Variants in THRB observed in about 807,000 individuals in gnomAD.
The protein encoded by THRB is nuclear receptor subfamily 1 group A member 2.
Under a neutral mutation model 47.8 loss-of-function variants are expected in THRB, and 12 were observed. That is an observed-to-expected ratio of 0.25 (90% CI 0.16 to 0.41). The LOEUF (loss-of-function observed/expected upper bound fraction) is 0.41. Ranked by LOEUF, THRB falls within the 10% of genes least tolerant of loss-of-function variation. The probability of loss-of-function intolerance (pLI) is 1.00; values close to 1 mark genes in which losing one functional copy is unlikely to be tolerated. For missense variants in THRB, 348 were observed against 589.2 expected (o/e 0.59, Z 4.24); for synonymous variants, 218 against 212.2 (o/e 1.03, Z -0.24).
chr3:24,387,585 G>A (rs538829985), intron 1 of THRB, among the ~76,000 whole-genome samples: 2 of 152,236 alleles, frequency 1.3e-5, no homozygotes, highest in African/African-American at 4.8e-5. Context: ...CTTCTTGCAC[G>A]CAGGAAACCT....
chr3:24,408,072 A>G (rs1024849107), intron 1 of THRB, among the ~76,000 whole-genome samples: 1 of 151,918 alleles, frequency 6.6e-6, no homozygotes, highest in African/African-American at 2.4e-5. Context: ...AATACAATAA[A>G]CATTCTGTCA....
intron 3 of THRB, among the ~76,000 whole-genome samples, chr3:24,261,111 G>T (rs2051925591): frequency 9.3e-6 from 1 of 107,570 alleles, no homozygotes; most frequent in Non-Finnish European, 1.8e-5. Flanking sequence ...GAGACATGTT[G>T]CAGAAATTCT....
At chr3:24,259,620 C>CTTTTTTTT (rs10671187) in intron 3 of THRB, among the ~76,000 whole-genome samples, 162 of 98,250 alleles carry the variant, frequency 1.6e-3, no homozygotes, top group African/African-American at 5.8e-3. Flanking sequence ...CTCTGCTTAC[C>CTTTTTTTT]TTTTTTTTTT....
chr3:24,224,128 G>A (rs78343964), intron 4 of THRB, among the ~76,000 whole-genome samples: 5,132 of 152,178 alleles, frequency 0.034, 289 homozygotes, highest in African/African-American at 0.12. Flanking sequence ...TTTTAAAGCT[G>A]TTCAGTCCCT....
In THRB at chr3:24,309,876, A is replaced by T. The variant is rs540619775; in HGVS notation, c.-188-12505T>A. ...ATGTATACCACTGATTAAATAAATTAAAAAACTCCATTCCCCTATTCAGTG... is the reference window on the plus strand; with the variant it reads ...ATGTATACCACTGATTAAATAAATTTAAAAACTCCATTCCCCTATTCAGTG... On this transcript the variant is annotated intron_variant, in intron 2 of 10. Transcript: ENST00000646209. Among the ~76,000 whole-genome samples, 5 of 152,332 alleles carry T rather than the reference A, an allele frequency of 3.3e-5. No homozygotes were observed. In the South Asian group the frequency reaches 6.2e-4, roughly 19 times the overall value.
At chr3:24,190,404 TG>T in intron 4 of THRB, 70 bp from the exon 5 acceptor site, 1 of 1,590,860 alleles carries the variant, frequency 6.3e-7, no homozygotes, top group South Asian at 1.1e-5. Flanking sequence ...TGCAGAGTTT[TG>T]GAAGGCAAGT....
intron 4 of THRB, among the ~76,000 whole-genome samples, chr3:24,190,941 G>C (rs1505302): frequency 0.46 from 69,950 of 151,432 alleles, 18,332 homozygotes; most frequent in African/African-American, 0.73. Flanking sequence ...GGCTTCAGTA[G>C]AGTCCCAAGT....
chr3:24,232,904 C>T (rs984091628), intron 3 of THRB, among the ~76,000 whole-genome samples: 2 of 152,182 alleles, frequency 1.3e-5, no homozygotes, highest in African/African-American at 4.8e-5. Context: ...ATTGGAGGCT[C>T]TCTGCCCTCA....
chr3:24,255,652 G>T (rs1344394562), intron 3 of THRB, among the ~76,000 whole-genome samples: 1 of 152,164 alleles, frequency 6.6e-6, no homozygotes, highest in Non-Finnish European at 1.5e-5. Context: ...CCCATGTGTG[G>T]GTTTCATGGA....
At chr3:24,422,626 A>C (rs2069375176) in intron 1 of THRB, among the ~76,000 whole-genome samples, 1 of 151,846 alleles carries the variant, frequency 6.6e-6, no homozygotes, top group African/African-American at 2.4e-5. Context: ...GCGAATGTGC[A>C]TTCACTTTTT....
chr3:24,348,335 C>T (rs1370695798), intron 1 of THRB, among the ~76,000 whole-genome samples: 3 of 152,060 alleles, frequency 2.0e-5, no homozygotes, highest in Non-Finnish European at 2.9e-5. Context: ...AGATTGTGAA[C>T]ACGCCCTGCC....
rs1385080780 is a variant in THRB at position 24,133,437 on chromosome 3, A to G, written c.764T>C (p.Ile255Thr). 6.2e-7 allele frequency: 1 copy of G among 1,614,138 alleles called. No individual in the cohort carries two copies. Among genetic ancestry groups the G allele is most frequent in the Non-Finnish European group, 8.5e-7 (1 of 1,180,004 alleles). ...FLPEDIGQAP[I>T]VNAPEGGKVD... The stretch of plus-strand genomic sequence containing the variant: ...CTTTCCACCTTCTGGGGCATTGACT[A>G]TTGGTGCTTGTCCAATGTCTTCTGG... The change falls in exon 9 of 11, where the codon ATA becomes ACA. Residue 255 changes from isoleucine to threonine, a missense_variant. This residue lies in a region of THRB where 112 missense variants were observed against 212.3 expected (regional missense o/e 0.53). Transcript: ENST00000646209.
chr3:24,285,990 G>A (rs867525782), intron 3 of THRB, among the ~76,000 whole-genome samples: 3 of 152,206 alleles, frequency 2.0e-5, no homozygotes, highest in Non-Finnish European at 2.9e-5. Flanking sequence ...GGACCTTCAT[G>A]ATGGGATTAG....
At chr3:24,184,495 A>G (rs2042313478) in intron 5 of THRB, among the ~76,000 whole-genome samples, 1 of 151,302 alleles carries the variant, frequency 6.6e-6, no homozygotes, top group Non-Finnish European at 1.5e-5. Flanking sequence ...TCTGATATCT[A>G]CCTCCCTTTG....
intron 1 of THRB, among the ~76,000 whole-genome samples, chr3:24,363,147 C>T (rs2064194434): frequency 6.6e-6 from 1 of 152,032 alleles, no homozygotes; most frequent in South Asian, 2.1e-4. Flanking sequence ...GGAAATAAAT[C>T]AAGGCTTAGC....
intron 1 of THRB, among the ~76,000 whole-genome samples, chr3:24,444,688 T>G (rs4589883): frequency 1.3e-5 from 2 of 152,164 alleles, no homozygotes; most frequent in African/African-American, 4.8e-5. Flanking sequence ...ACTGCAACCT[T>G]GTGCCTTCCG....
intron 1 of THRB, among the ~76,000 whole-genome samples, chr3:24,470,632 T>A (rs1273821050): frequency 1.3e-5 from 2 of 152,350 alleles, no homozygotes; most frequent in South Asian, 2.1e-4. Context: ...GAGACTTTTT[T>A]TTGAGACAGA....
chr3:24,389,947 A>G (rs945002027), intron 1 of THRB, among the ~76,000 whole-genome samples: 5 of 152,200 alleles, frequency 3.3e-5, no homozygotes, highest in African/African-American at 1.2e-4. Flanking sequence ...CTCACTGAAT[A>G]AAAGGTAGCC....
At chr3:24,228,415 C>T (rs1485651031) in intron 4 of THRB, among the ~76,000 whole-genome samples, 4 of 152,070 alleles carry the variant, frequency 2.6e-5, no homozygotes, top group African/African-American at 9.7e-5. Context: ...TGAAAATATA[C>T]ACTTTCTGTG....
Sources: allele counts gnomAD v4.1 joint callset (sites outside exome capture counted in the v4.1 genomes callset), GRCh38; gene constraint gnomAD v4.1.1; regional missense constraint gnomAD v4.1.1; transcripts MANE v1.5; gene names NCBI Gene and HGNC (gene_info 2026-07-23, HGNC 2026-07-21).